The following COL25A1 variants were observed in gnomAD, a reference collection of about 807,000 sequenced individuals.
COL25A1 encodes the protein collagen type XXV alpha 1 chain.
In COL25A1, 103 loss-of-function variants were observed where a neutral mutation model predicts 128.4. The ratio of observed to expected loss-of-function variants is 0.80; its 90% CI spans 0.68 to 0.94. The LOEUF (loss-of-function observed/expected upper bound fraction) is 0.94, where lower values mean the gene tolerates loss of function less well. Ranked by LOEUF, COL25A1 falls within the 40% of genes least tolerant of loss-of-function variation. The pLI, the probability that COL25A1 is intolerant of heterozygous loss-of-function variation, is 0.00. For missense variants in COL25A1, 745 were observed against 840.0 expected (o/e 0.89, Z 1.40); for synonymous variants, 279 against 277.2 (o/e 1.01, Z -0.06).
In COL25A1 at chr4:108,852,414, G is replaced by C. The variant is rs1290208292; in HGVS notation, c.1345-134C>G. The C allele has an allele frequency of 3.0e-5, 20 of 669,450 alleles. No homozygotes were observed. In the East Asian group the frequency reaches 5.5e-4, roughly 18 times the overall value. The allele number at this position is 669,450 out of a possible 1,614,324, so 41.5% of individuals were successfully genotyped here. A position where few individuals can be genotyped will look rare whatever the true frequency, so the allele number is the denominator to read the frequency against. On this transcript the variant is annotated intron_variant, in intron 25 of 37. Coordinates refer to ENST00000399132, the MANE Select transcript of COL25A1 (RefSeq NM_198721.4). ...TCCCCAAATATAAATTTGCAATGAG[G>C]AAAAATTTTACTAGTTACATAATTA...
chr4:108,977,538 CAAAGA>C (rs1422575926), intron 6 of COL25A1, among the ~76,000 whole-genome samples: 1 of 151,934 alleles, frequency 6.6e-6, no homozygotes, highest in African/African-American at 2.4e-5. Context: ...AGATGAAAGC[CAAAGA>C]AAATAATAAT....
intron 36 of COL25A1, among the ~76,000 whole-genome samples, chr4:108,818,900 G>A: frequency 6.6e-6 from 1 of 151,490 alleles, no homozygotes; most frequent in South Asian, 2.1e-4. Flanking sequence ...GTCAAACTTA[G>A]GTGGAAAACC....
At chr4:109,006,895 T>C (rs141533632) in intron 6 of COL25A1, among the ~76,000 whole-genome samples, 265 of 152,096 alleles carry the variant, frequency 1.7e-3, no homozygotes, top group African/African-American at 5.4e-3. Context: ...GCAACACACA[T>C]TGGGCACCTG....
chr4:109,082,309 C>T (rs1763916673), intron 3 of COL25A1, among the ~76,000 whole-genome samples: 1 of 152,152 alleles, frequency 6.6e-6, no homozygotes, highest in Non-Finnish European at 1.5e-5. Context: ...TTTCATTTCT[C>T]TTAGGTATAG....
intron 5 of COL25A1, among the ~76,000 whole-genome samples, chr4:109,014,979 A>G (rs1191950420): frequency 2.0e-5 from 3 of 152,218 alleles, no homozygotes; most frequent in Admixed American, 2.0e-4. Context: ...CTGCAAAAAG[A>G]CAGTCCGGCA....
At chr4:108,836,924 G>C (rs1324976588) in intron 31 of COL25A1, among the ~76,000 whole-genome samples, 1 of 151,910 alleles carries the variant, frequency 6.6e-6, no homozygotes, top group Non-Finnish European at 1.5e-5. Context: ...ACTAAAAATA[G>C]AAAACTTAGC....
chr4:109,096,710 T>G (rs188999501), intron 3 of COL25A1, among the ~76,000 whole-genome samples: 8 of 152,230 alleles, frequency 5.3e-5, no homozygotes, highest in African/African-American at 1.9e-4. Context: ...TAGAAACTTT[T>G]CATAAGTTCA....
chr4:109,217,282 A>G (rs903600176), intron 3 of COL25A1, among the ~76,000 whole-genome samples: 1 of 152,104 alleles, frequency 6.6e-6, no homozygotes, highest in Admixed American at 6.6e-5. Context: ...TTTAATTTAT[A>G]GTTAATATTT....
intron 3 of COL25A1, among the ~76,000 whole-genome samples, chr4:109,239,388 G>T (rs960438584): frequency 3.3e-5 from 3 of 90,182 alleles, no homozygotes; most frequent in African/African-American, 1.5e-4. Context: ...GTGTGTGTGT[G>T]TGTGTGTATA....
intron 5 of COL25A1, chr4:109,022,182 G>A (rs1434768258): frequency 4.4e-6 from 2 of 453,430 alleles, no homozygotes; most frequent in Non-Finnish European, 8.8e-6. Context: ...GATATGTGAT[G>A]TTGCCCCTGG....
At chr4:108,878,724 T>C (rs1346229701) in intron 19 of COL25A1, among the ~76,000 whole-genome samples, 1 of 152,150 alleles carries the variant, frequency 6.6e-6, no homozygotes, top group Non-Finnish European at 1.5e-5. Context: ...CCAGAAAACA[T>C]ACCTTTCTGA....
intron 3 of COL25A1, among the ~76,000 whole-genome samples, chr4:109,292,529 G>A (rs1037566518): frequency 3.9e-5 from 6 of 151,994 alleles, no homozygotes; most frequent in Non-Finnish European, 5.9e-5. Flanking sequence ...GAGCCCTAGA[G>A]ATACATAGAT....
At chr4:108,986,773 T>A (rs1400256338) in intron 6 of COL25A1, among the ~76,000 whole-genome samples, 1 of 152,154 alleles carries the variant, frequency 6.6e-6, no homozygotes. Context: ...ATGGACTGAG[T>A]GTTGATATTA....
At chr4:108,856,936 G>T (rs1470000442) in intron 24 of COL25A1, among the ~76,000 whole-genome samples, 1 of 152,016 alleles carries the variant, frequency 6.6e-6, no homozygotes, top group African/African-American at 2.4e-5. Flanking sequence ...TCCTTATTTT[G>T]CAGATAAGAT....
intron 3 of COL25A1, among the ~76,000 whole-genome samples, chr4:109,267,990 T>C: frequency 6.6e-6 from 1 of 152,128 alleles, no homozygotes; most frequent in East Asian, 1.9e-4. Flanking sequence ...ATTTGCATTG[T>C]AGGAGAAATA....
At chr4:109,016,972 T>C (rs188402090) in intron 5 of COL25A1, among the ~76,000 whole-genome samples, 1 of 152,346 alleles carries the variant, frequency 6.6e-6, no homozygotes, top group Non-Finnish European at 1.5e-5. Flanking sequence ...TTCGCCATGT[T>C]GCGAGCACCA....
chr4:108,956,215 T>C (rs778422839), intron 8 of COL25A1, among the ~76,000 whole-genome samples: 9 of 152,226 alleles, frequency 5.9e-5, no homozygotes, highest in East Asian at 1.9e-4. Context: ...GATGCACTTA[T>C]GTAACTGGAT....
At chr4:109,029,313 CTT>C (rs1407482499) in intron 5 of COL25A1, among the ~76,000 whole-genome samples, 1 of 152,094 alleles carries the variant, frequency 6.6e-6, no homozygotes, top group Non-Finnish European at 1.5e-5. Flanking sequence ...TGAATCACCT[CTT>C]TGTCTAATGT....
intron 26 of COL25A1, among the ~76,000 whole-genome samples, chr4:108,850,589 C>CT (rs142982477): frequency 0.081 from 12,310 of 152,124 alleles, 644 homozygotes; most frequent in African/African-American, 0.15. Flanking sequence ...TTCTTCCTGT[C>CT]TTTCAGTTTC....
Sources: gnomAD v4.1 joint callset for allele counts (sites outside exome capture counted in the v4.1 genomes callset) on GRCh38, gnomAD v4.1.1 for gene constraint, MANE v1.5 for transcripts, NCBI Gene and HGNC (gene_info 2026-07-23, HGNC 2026-07-21) for gene names.